Variants in CCL28 observed in about 807,000 individuals in gnomAD.
The protein encoded by CCL28 is C-C motif chemokine ligand 28, also known as C-C motif chemokine 28.
In CCL28, 4 loss-of-function variants were observed where a neutral mutation model predicts 7.1. That is an observed-to-expected ratio of 0.56 (90% CI 0.28 to 1.29). The LOEUF (loss-of-function observed/expected upper bound fraction) is 1.29. CCL28 is among the 50% of genes most tolerant of loss of function. The probability of loss-of-function intolerance (pLI) is 0.11; values close to 1 mark genes in which losing one functional copy is unlikely to be tolerated. For synonymous variants in CCL28, 55 were observed against 57.8 expected (o/e 0.95, Z 0.22); for missense variants, 151 against 163.4 (o/e 0.92, Z 0.41).
the CCL28 span, among the ~76,000 whole-genome samples, chr5:43,369,030 GAGAGAA>G: frequency 1.6e-5 from 2 of 128,824 alleles, no homozygotes; most frequent in Non-Finnish European, 3.3e-5. Context: ...GAGAGAGAAA[GAGAGAA>G]AGAGAGAGAG....
downstream of CCL28, among the ~76,000 whole-genome samples, chr5:43,378,388 T>A (rs1260559066): frequency 6.6e-6 from 1 of 152,012 alleles, no homozygotes; most frequent in Non-Finnish European, 1.5e-5. Flanking sequence ...CAAGGATAGG[T>A]CTAGGAGTAG....
At chr5:43,367,350 G>A in the CCL28 span, among the ~76,000 whole-genome samples, 1 of 152,204 alleles carries the variant, frequency 6.6e-6, no homozygotes, top group Admixed American at 6.5e-5. Flanking sequence ...TGAAACCCAG[G>A]GCCCTGGTGA....
At chr5:43,378,814 A>G (rs1739991150), downstream of CCL28, among the ~76,000 whole-genome samples, 1 of 152,106 alleles carries the variant, frequency 6.6e-6, no homozygotes, top group Non-Finnish European at 1.5e-5. Flanking sequence ...ACAAAAAAAT[A>G]GCCAGATGTG....
chr5:43,392,106 A>ATTAT (rs35180804), intron 1 of CCL28, among the ~76,000 whole-genome samples: 5,902 of 151,464 alleles, frequency 0.039, 193 homozygotes, highest in African/African-American at 0.082. Flanking sequence ...TGCATATCTT[A>ATTAT]TTATTTATTT....
intron 2 of CCL28, 31 bp from the exon 3 acceptor site, chr5:43,382,083 T>A (rs1348291010): frequency 6.3e-7 from 1 of 1,591,562 alleles, no homozygotes; most frequent in Non-Finnish European, 8.6e-7. Flanking sequence ...AGAAAGTCAC[T>A]GATATAAAAC....
At chr5:43,399,738 G>A (rs1740954562) in intron 1 of CCL28, among the ~76,000 whole-genome samples, 1 of 152,046 alleles carries the variant, frequency 6.6e-6, no homozygotes, top group Non-Finnish European at 1.5e-5. Context: ...AAGTAATAAG[G>A]GGTCAGTCAA....
chr5:43,371,005 G>A, the CCL28 span, among the ~76,000 whole-genome samples: 1 of 152,188 alleles, frequency 6.6e-6, no homozygotes, highest in Admixed American at 6.5e-5. Flanking sequence ...GCCTCCCAAA[G>A]TGCTGGGATT....
chr5:43,409,875 T>C (rs751023962), intron 1 of CCL28, among the ~76,000 whole-genome samples: 24 of 151,932 alleles, frequency 1.6e-4, no homozygotes, highest in Non-Finnish European at 3.1e-4. Context: ...GATTCAGTAT[T>C]GAGTTCTGGG....
chr5:43,361,591 T>C, the CCL28 span, among the ~76,000 whole-genome samples: 1 of 152,218 alleles, frequency 6.6e-6, no homozygotes, highest in Non-Finnish European at 1.5e-5. Context: ...TGGCACTGCC[T>C]AGGTTGTCTT....
At chr5:43,402,121 C>G (rs1447605152) in intron 1 of CCL28, among the ~76,000 whole-genome samples, 1 of 152,206 alleles carries the variant, frequency 6.6e-6, no homozygotes, top group Non-Finnish European at 1.5e-5. Context: ...AGACAGGTGA[C>G]TTTTCTGCCA....
downstream of CCL28, among the ~76,000 whole-genome samples, chr5:43,378,918 A>AC (rs1466350426): frequency 6.6e-6 from 1 of 151,936 alleles, no homozygotes; most frequent in Non-Finnish European, 1.5e-5. Flanking sequence ...CCGAGATTGC[A>AC]CCACTGCACT....
the CCL28 span, among the ~76,000 whole-genome samples, chr5:43,370,902 C>G: frequency 2.0e-5 from 3 of 152,004 alleles, no homozygotes; most frequent in Non-Finnish European, 4.4e-5. Flanking sequence ...CCACCATGAC[C>G]AGCTAATTTT....
chr5:43,387,077 AT>A (rs1740367376), intron 2 of CCL28, among the ~76,000 whole-genome samples: 1 of 152,240 alleles, frequency 6.6e-6, no homozygotes, highest in Non-Finnish European at 1.5e-5. Context: ...GGAGCACCAA[AT>A]GACTCACTAG....
At chr5:43,389,000 A>C (rs1015451622) in intron 1 of CCL28, among the ~76,000 whole-genome samples, 2 of 152,250 alleles carry the variant, frequency 1.3e-5, no homozygotes, top group African/African-American at 4.8e-5. Flanking sequence ...GGGATTATAC[A>C]TGAAAGAAGC....
intron 1 of CCL28, among the ~76,000 whole-genome samples, chr5:43,391,970 C>G (rs1740590532): frequency 6.6e-6 from 1 of 152,114 alleles, no homozygotes; most frequent in Non-Finnish European, 1.5e-5. Context: ...TTCTAGATGT[C>G]TCCTTGGGGC....
At chr5:43,360,496 C>T in the CCL28 span, among the ~76,000 whole-genome samples, 1 of 152,078 alleles carries the variant, frequency 6.6e-6, no homozygotes, top group African/African-American at 2.4e-5. Flanking sequence ...CATTTAGCTC[C>T]CACTTATACG....
chr5:43,396,137 T>G (rs1331181731), intron 1 of CCL28, among the ~76,000 whole-genome samples: 1 of 152,146 alleles, frequency 6.6e-6, no homozygotes, highest in Non-Finnish European at 1.5e-5. Context: ...CCCAAAGTGC[T>G]GGGATTACAG....
At chr5:43,370,620 TCACTGGGC>T in the CCL28 span, among the ~76,000 whole-genome samples, 10 of 152,252 alleles carry the variant, frequency 6.6e-5, no homozygotes, top group East Asian at 1.9e-3. Flanking sequence ...GGTCACTGGG[TCACTGGGC>T]CACTGGGCTA....
At chr5:43,390,249 C>CCAG (rs1740520479) in intron 1 of CCL28, among the ~76,000 whole-genome samples, 1 of 152,148 alleles carries the variant, frequency 6.6e-6, no homozygotes, top group Non-Finnish European at 1.5e-5. Context: ...TGGAAAATAA[C>CCAG]CAGCTTATGT....
Sources: allele counts gnomAD v4.1 joint callset (sites outside exome capture counted in the v4.1 genomes callset), GRCh38; gene constraint gnomAD v4.1.1; transcripts MANE v1.5; gene names NCBI Gene and HGNC (gene_info 2026-07-23, HGNC 2026-07-21).